RSPO3: variants seen among roughly 807,000 people sequenced by gnomAD.
RSPO3 encodes the protein R-spondin-3.
In RSPO3, 17 loss-of-function variants were observed where a neutral mutation model predicts 36.5. The ratio of observed to expected loss-of-function variants is 0.47; its 90% CI spans 0.32 to 0.70. RSPO3 has a LOEUF of 0.70. Ranked by LOEUF, RSPO3 falls within the 30% of genes least tolerant of loss-of-function variation. The pLI, the probability that RSPO3 is intolerant of heterozygous loss-of-function variation, is 0.04. For missense variants in RSPO3, 294 were observed against 322.5 expected, an observed-to-expected ratio of 0.91 and a Z score of 0.68; for synonymous variants, 108 against 107.0, an observed-to-expected ratio of 1.01 and a Z score of -0.06.
chr6:127,145,124 C>T (rs1774356646), intron 1 of RSPO3, among the ~76,000 whole-genome samples: 1 of 152,134 alleles, frequency 6.6e-6, no homozygotes, highest in African/African-American at 2.4e-5. Context: ...TCTCCAACTG[C>T]AGGCTTTTAC....
chr6:127,121,201 T>G (rs76999319), intron 1 of RSPO3, among the ~76,000 whole-genome samples: 1 of 152,106 alleles, frequency 6.6e-6, no homozygotes. Context: ...TTGGGGCCCC[T>G]GATTCTGAAG....
intron 3 of RSPO3, 67 bp downstream of exon 3, chr6:127,150,639 T>A: frequency 6.7e-7 from 1 of 1,490,148 alleles, no homozygotes. Context: ...CTTTTCAAAG[T>A]CCTTTGCCAA....
At chr6:127,139,570 T>C (rs1290317788) in intron 1 of RSPO3, among the ~76,000 whole-genome samples, 1 of 150,974 alleles carries the variant, frequency 6.6e-6, no homozygotes, top group South Asian at 2.1e-4. Context: ...AGAAAAAAAA[T>C]ATTTCTAACC....
chr6:127,184,600 T>C (rs1775253745), intron 4 of RSPO3, among the ~76,000 whole-genome samples: 1 of 152,026 alleles, frequency 6.6e-6, no homozygotes, highest in Non-Finnish European at 1.5e-5. Flanking sequence ...AGATGCTTAT[T>C]AGAAAGCCAT....
chr6:127,175,584 TA>T (rs1775036647), intron 4 of RSPO3, among the ~76,000 whole-genome samples: 1 of 151,738 alleles, frequency 6.6e-6, no homozygotes, highest in Non-Finnish European at 1.5e-5. Flanking sequence ...TAAATGCATC[TA>T]AAAATCATAG....
In RSPO3 at chr6:127,197,613, G is replaced by A; in HGVS notation, c.*1606G>A. On this transcript the variant is annotated 3_prime_UTR_variant, in exon 5 of 5. Coordinates refer to ENST00000356698, the MANE Select transcript of RSPO3 (RefSeq NM_032784.5). ...GATTCCTAGCCCTCTCAAGATCACTGCTTTCTGAAGAATTTGCAATGACTC... is the reference window on the plus strand; with the variant it reads ...GATTCCTAGCCCTCTCAAGATCACTACTTTCTGAAGAATTTGCAATGACTC... 1.4e-6 allele frequency: 2 copies of A among 1,455,772 alleles called. No homozygotes were observed. The highest frequency in any genetic ancestry group is 1.8e-6 in the Non-Finnish European group (2 of 1,097,460). 90.2% of individuals were successfully genotyped at this position (1,455,772 alleles called of 1,614,324 possible). A position where few individuals can be genotyped will look rare whatever the true frequency, so the allele number is the denominator to read the frequency against.
chr6:127,130,549 T>C (rs1774031456), intron 1 of RSPO3, among the ~76,000 whole-genome samples: 2 of 152,154 alleles, frequency 1.3e-5, no homozygotes, highest in Non-Finnish European at 2.9e-5. Context: ...ACACATCTAA[T>C]AGTTATCATG....
chr6:127,145,867 T>C (rs1158084271), intron 1 of RSPO3, among the ~76,000 whole-genome samples: 2 of 152,194 alleles, frequency 1.3e-5, no homozygotes, highest in African/African-American at 4.8e-5. Flanking sequence ...AATCACAAGA[T>C]TTTATGGCTG....
chr6:127,172,632 T>C (rs1406082262), intron 4 of RSPO3, among the ~76,000 whole-genome samples: 2 of 151,846 alleles, frequency 1.3e-5, no homozygotes, highest in South Asian at 2.1e-4. Context: ...TTCAACCATA[T>C]CCATTACCAT....
intron 4 of RSPO3, among the ~76,000 whole-genome samples, chr6:127,192,163 C>G (rs1222820224): frequency 1.3e-5 from 2 of 152,186 alleles, no homozygotes; most frequent in African/African-American, 4.8e-5. Context: ...GTACCCCCAA[C>G]AGGACCTTGT....
rs1180888617 is a variant in RSPO3, at chr6:127,196,860, G to A, written c.*853G>A. 6.6e-6 allele frequency: 1 copy of A among 152,612 alleles called. No individual in the cohort carries two copies. The highest frequency in any genetic ancestry group is 2.4e-5 in the African/African-American group (1 of 41,404). 9.5% of individuals were successfully genotyped at this position (152,612 alleles called of 1,614,324 possible). A position where few individuals can be genotyped will look rare whatever the true frequency, so the allele number is the denominator to read the frequency against. ...ATTCTGATTTTATAGAAAAAAAATAGAGCAAGGAGAATATAACATGTTTGC... is the reference window on the plus strand; with the variant it reads ...ATTCTGATTTTATAGAAAAAAAATAAAGCAAGGAGAATATAACATGTTTGC... On this transcript the variant is annotated 3_prime_UTR_variant, in exon 5 of 5. Coordinates refer to ENST00000356698, the MANE Select transcript of RSPO3 (RefSeq NM_032784.5).
intron 1 of RSPO3, among the ~76,000 whole-genome samples, chr6:127,127,183 T>G (rs1040410694): frequency 2.6e-5 from 4 of 152,088 alleles, no homozygotes; most frequent in Non-Finnish European, 4.4e-5. Flanking sequence ...ACAGAATTTG[T>G]GAGCTGCTTA....
intron 1 of RSPO3, among the ~76,000 whole-genome samples, chr6:127,128,370 C>T (rs937765304): frequency 1.3e-5 from 2 of 151,920 alleles, no homozygotes; most frequent in Non-Finnish European, 2.9e-5. Context: ...GCCCAGACTC[C>T]ACCCTTGAAC....
chr6:127,178,051 A>G (rs1775092151), intron 4 of RSPO3, among the ~76,000 whole-genome samples: 1 of 151,832 alleles, frequency 6.6e-6, no homozygotes, highest in Non-Finnish European at 1.5e-5. Flanking sequence ...AGGTACATTT[A>G]GATGCATGTC....
At chr6:127,191,851 C>T (rs1242695747) in intron 4 of RSPO3, among the ~76,000 whole-genome samples, 2 of 152,174 alleles carry the variant, frequency 1.3e-5, no homozygotes, top group Non-Finnish European at 1.5e-5. Flanking sequence ...TACACTGGTC[C>T]TCAGGACAAA....
intron 4 of RSPO3, among the ~76,000 whole-genome samples, chr6:127,170,094 G>A (rs975350232): frequency 4.6e-5 from 7 of 151,456 alleles, no homozygotes; most frequent in African/African-American, 1.7e-4. Context: ...AAAAGTTGAG[G>A]CTTAAAAAAA....
At chr6:127,119,504 G>A (rs1431406752) in intron 1 of RSPO3, among the ~76,000 whole-genome samples, 1 of 152,230 alleles carries the variant, frequency 6.6e-6, no homozygotes, top group African/African-American at 2.4e-5. Flanking sequence ...GGTGCGAGGG[G>A]CGGGCGGACG....
chr6:127,149,029 C>A (rs1209699539), intron 2 of RSPO3, among the ~76,000 whole-genome samples, 190 bp downstream of exon 2: 2 of 152,212 alleles, frequency 1.3e-5, no homozygotes, highest in East Asian at 1.9e-4. Flanking sequence ...CAAAAAAGCA[C>A]TCATGTTTTG....
chr6:127,166,809 T>C (rs770966621), intron 4 of RSPO3, among the ~76,000 whole-genome samples: 1 of 152,020 alleles, frequency 6.6e-6, no homozygotes, highest in Non-Finnish European at 1.5e-5. Context: ...CTGCATGTTA[T>C]TAGTCCTTTA....
Sources: allele counts gnomAD v4.1 joint callset (sites outside exome capture counted in the v4.1 genomes callset), GRCh38; gene constraint gnomAD v4.1.1; transcripts MANE v1.5; gene names NCBI Gene and HGNC (gene_info 2026-07-23, HGNC 2026-07-21).